FAAH2: variants seen among roughly 807,000 people sequenced by gnomAD.
FAAH2 encodes the protein fatty-acid amide hydrolase 2.
A neutral mutation model predicts 36.9 loss-of-function variants in FAAH2; 60 were observed. The ratio of observed to expected loss-of-function variants is 1.63; its 90% confidence interval spans 1.32 to 2.02. The LOEUF is 2.02. Ranked by LOEUF, FAAH2 falls within the 30% of genes most tolerant of loss-of-function variation. The probability of loss-of-function intolerance (pLI) is 0.00; values close to 1 mark genes in which losing one functional copy is unlikely to be tolerated. For synonymous variants in FAAH2, 214 were observed against 143.8 expected, an observed-to-expected ratio of 1.49 and a Z score of -3.49; for missense variants, 689 against 397.5, an observed-to-expected ratio of 1.73 and a Z score of -6.23.
chrX:57,480,153 A>G (rs932644730), intron 10 of FAAH2, among the ~76,000 whole-genome samples: 3 of 111,017 alleles, frequency 2.7e-5, no homozygotes, highest in Non-Finnish European at 5.7e-5. Flanking sequence ...CCTGGACCAG[A>G]TGGTTTCACA....
At chrX:57,299,016 A>G (rs1178648638) in intron 2 of FAAH2, among the ~76,000 whole-genome samples, 1 of 111,685 alleles carries the variant, frequency 9.0e-6, no homozygotes, top group East Asian at 2.8e-4. Flanking sequence ...GCAGAATTCT[A>G]CCAGAGGTAC....
In FAAH2 at chrX:57,401,391, G is replaced by A. The variant is rs183871992; in HGVS notation, c.996+20362G>A. 2.5e-3 allele frequency among the ~76,000 whole-genome samples: 278 copies of A among 111,390 alleles called. 3 individuals carry two copies. The highest frequency in any genetic ancestry group is 8.6e-3 in the African/African-American group (265 of 30,674). On this transcript the variant is annotated intron_variant, in intron 7 of 10. Coordinates refer to ENST00000374900, the MANE Select transcript of FAAH2 (RefSeq NM_174912.4). Reference sequence around the variant, plus strand: ...CAAGAATTGAGAGTCAGGATGTACAGGGATGCAGAAAAAGGCATCCTTAAG... The same window carrying A: ...CAAGAATTGAGAGTCAGGATGTACAAGGATGCAGAAAAAGGCATCCTTAAG...
intron 7 of FAAH2, among the ~76,000 whole-genome samples, chrX:57,409,317 G>T (rs1281948794): frequency 9.0e-6 from 1 of 111,052 alleles, no homozygotes; most frequent in African/African-American, 3.3e-5. Flanking sequence ...GTATTATGTT[G>T]AAGATTTTTG....
the FAAH2 span, among the ~76,000 whole-genome samples, chrX:57,217,708 G>C: frequency 4.5e-5 from 5 of 111,991 alleles, no homozygotes; most frequent in Admixed American, 4.7e-4. Context: ...TTGAAATCAG[G>C]TAGTGTGATG....
chrX:57,347,713 C>A (rs756245989), intron 5 of FAAH2, among the ~76,000 whole-genome samples: 3 of 102,018 alleles, frequency 2.9e-5, no homozygotes, highest in African/African-American at 3.8e-5. Context: ...GTTCCCTTAA[C>A]TGTGTTGAAA....
chrX:57,320,141 A>C (rs947600787), intron 3 of FAAH2, among the ~76,000 whole-genome samples: 6 of 112,150 alleles, frequency 5.3e-5, no homozygotes, highest in African/African-American at 1.9e-4. Context: ...CAAAGAAAAA[A>C]TGGCAACAAA....
chrX:57,296,710 A>T (rs992806692), intron 2 of FAAH2, among the ~76,000 whole-genome samples: 1 of 111,576 alleles, frequency 9.0e-6, no homozygotes, highest in Non-Finnish European at 1.9e-5. Context: ...ACTTGAAAAA[A>T]GATTAGATGA....
chrX:57,272,878 A>T, the FAAH2 span, among the ~76,000 whole-genome samples: 1 of 112,237 alleles, frequency 8.9e-6, no homozygotes, highest in Admixed American at 9.5e-5. Context: ...AACCAGCTAG[A>T]ATCATAATGA....
the FAAH2 span, among the ~76,000 whole-genome samples, chrX:57,162,195 C>T: frequency 8.9e-6 from 1 of 111,901 alleles, no homozygotes; most frequent in Non-Finnish European, 1.9e-5. Context: ...GGCCCCCAAT[C>T]TCTTCTGGTT....
intron 7 of FAAH2, among the ~76,000 whole-genome samples, chrX:57,396,948 A>G (rs752506943): frequency 9.0e-5 from 10 of 111,309 alleles, no homozygotes; most frequent in African/African-American, 2.9e-4. Context: ...GTTTCCCACT[A>G]TTTTTGTATT....
At chrX:57,356,467 A>G (rs2054160284) in intron 5 of FAAH2, among the ~76,000 whole-genome samples, 1 of 110,795 alleles carries the variant, frequency 9.0e-6, no homozygotes, top group African/African-American at 3.3e-5. Context: ...TTCTCTCTTC[A>G]TGATTCACTC....
rs185977014 is a variant in FAAH2 at position 57,311,532 on chromosome X, G to T, written c.412+803G>T. 8.9e-5 allele frequency among the ~76,000 whole-genome samples: 10 copies of T among 111,869 alleles called. No homozygotes were observed. In the East Asian group the frequency reaches 1.7e-3, roughly 19 times the overall value. ...AGGGCTTGGAGCCTGGAAGCTTTTG[G>T]TGCTCTGGGCAGCTCCAGCTGAGAG... On this transcript the variant is annotated intron_variant, in intron 3 of 10. Transcript: ENST00000374900.
At chrX:57,287,124 G>C in intron 1 of FAAH2, 107 bp downstream of exon 1, 1 of 810,991 alleles carries the variant, frequency 1.2e-6, no homozygotes, top group Non-Finnish European at 1.7e-6. Context: ...CTACTAGGGC[G>C]ACTTAGGAGA....
chrX:57,136,887 C>T, the FAAH2 span: 5,145 of 658,762 alleles, frequency 7.8e-3, 182 homozygotes, highest in African/African-American at 0.1. Flanking sequence ...CCTCCCTTTA[C>T]CCTTTACTGC....
chrX:57,246,236 G>A, the FAAH2 span, among the ~76,000 whole-genome samples: 5 of 111,758 alleles, frequency 4.5e-5, no homozygotes, highest in African/African-American at 1.6e-4. Context: ...GTAATTAATA[G>A]CCTAACAACC....
intron 5 of FAAH2, among the ~76,000 whole-genome samples, chrX:57,362,575 T>C (rs2054311786): frequency 8.9e-6 from 1 of 111,946 alleles, no homozygotes. Context: ...TGATGGTTTC[T>C]TTTGCTGTGC....
intron 3 of FAAH2, among the ~76,000 whole-genome samples, chrX:57,311,930 G>T (rs2052706119): frequency 8.9e-6 from 1 of 112,217 alleles, no homozygotes; most frequent in Non-Finnish European, 1.9e-5. Context: ...CAGTAATGAA[G>T]CTGGGGAGGA....
At chrX:57,185,819 G>A in the FAAH2 span, among the ~76,000 whole-genome samples, 3 of 110,151 alleles carry the variant, frequency 2.7e-5, no homozygotes, top group African/African-American at 9.9e-5. Context: ...TTTGGTGTCT[G>A]TTTCTGTGTT....
chrX:57,271,499 A>T, the FAAH2 span, among the ~76,000 whole-genome samples: 2 of 112,182 alleles, frequency 1.8e-5, no homozygotes, highest in African/African-American at 6.5e-5. Flanking sequence ...GCCAACAGAC[A>T]TCTCTTACAG....
Sources: allele counts gnomAD v4.1 joint callset (sites outside exome capture counted in the v4.1 genomes callset), GRCh38; gene constraint gnomAD v4.1.1; transcripts MANE v1.5; gene names NCBI Gene and HGNC (gene_info 2026-07-23, HGNC 2026-07-21).